Variants in CACNA1C observed in about 807,000 individuals in gnomAD.
CACNA1C encodes voltage-dependent L-type calcium channel subunit alpha-1C.
A neutral mutation model predicts 229.0 loss-of-function variants in CACNA1C; 30 were observed. The observed-to-expected ratio is 0.13, with a 90% CI of 0.10 to 0.18. The LOEUF is 0.18. Among genes scored for constraint, CACNA1C ranks in the 10% least tolerant of loss-of-function variants. The probability of loss-of-function intolerance (pLI) is 1.00; values close to 1 mark genes in which losing one functional copy is unlikely to be tolerated. For synonymous variants in CACNA1C, 1,114 were observed against 1,132.5 expected (o/e 0.98, Z 0.33); for missense variants, 1,658 against 2,845.0 (o/e 0.58, Z 9.49).
chr12:2,088,908 C>G (rs527242039), intron 1 of CACNA1C, among the ~76,000 whole-genome samples: 46 of 152,244 alleles, frequency 3.0e-4, no homozygotes, highest in African/African-American at 1.1e-3. Flanking sequence ...ATTAGGCGGG[C>G]TGGGCACTTG....
At chr12:1,996,928 C>T (rs1307427425) in intron 1 of CACNA1C, among the ~76,000 whole-genome samples, 1 of 152,028 alleles carries the variant, frequency 6.6e-6, no homozygotes, top group Non-Finnish European at 1.5e-5. Flanking sequence ...AAACAGATAC[C>T]CCTAGAAAGG....
intron 3 of CACNA1C, among the ~76,000 whole-genome samples, chr12:2,147,797 A>C (rs892567265): frequency 2.7e-5 from 4 of 150,630 alleles, no homozygotes; most frequent in African/African-American, 9.7e-5. Context: ...TGGGGGGGCA[A>C]ATAGGCAGTA....
intron 1 of CACNA1C, among the ~76,000 whole-genome samples, chr12:2,056,781 A>G (rs1370899966): frequency 2.0e-5 from 3 of 152,166 alleles, no homozygotes; most frequent in Non-Finnish European, 4.4e-5. Flanking sequence ...TATTCCTACT[A>G]TTGGTCAGGC....
chr12:2,324,086 C>A (rs1345967377), intron 3 of CACNA1C, among the ~76,000 whole-genome samples: 1 of 152,134 alleles, frequency 6.6e-6, no homozygotes, highest in Non-Finnish European at 1.5e-5. Flanking sequence ...TATATATAAC[C>A]CAAATGTCCA....
At chr12:2,618,984 C>T (rs2082029845) in intron 29 of CACNA1C, among the ~76,000 whole-genome samples, 1 of 152,240 alleles carries the variant, frequency 6.6e-6, no homozygotes, top group Non-Finnish European at 1.5e-5. Context: ...TAGCCATGCA[C>T]TTCTGTATGA....
At chr12:2,400,709 G>A (rs1372636741) in intron 3 of CACNA1C, among the ~76,000 whole-genome samples, 4 of 152,094 alleles carry the variant, frequency 2.6e-5, no homozygotes, top group Non-Finnish European at 5.9e-5. Flanking sequence ...TTATCCATCT[G>A]CTTCCAAGCT....
chr12:2,177,587 C>CCCTCCCTCCTTCCTTCCTTCCTT (rs750852324), intron 3 of CACNA1C, among the ~76,000 whole-genome samples: 3 of 78,462 alleles, frequency 3.8e-5, no homozygotes, highest in African/African-American at 1.8e-4. Flanking sequence ...CTCCCTCCCT[C>CCCTCCCTCCTTCCTTCCTTCCTT]CCTTCCTTCC....
chr12:2,122,224 A>G (rs530095941), intron 3 of CACNA1C, among the ~76,000 whole-genome samples: 1 of 152,274 alleles, frequency 6.6e-6, no homozygotes, highest in African/African-American at 2.4e-5. Flanking sequence ...TGATGGAAGA[A>G]TTCTAAAGGA....
intron 1 of CACNA1C, among the ~76,000 whole-genome samples, chr12:2,032,129 C>CA (rs2048342218): frequency 1.3e-5 from 2 of 152,138 alleles, no homozygotes; most frequent in South Asian, 4.2e-4. Flanking sequence ...CGGCTTGCGG[C>CA]AGTCTCGGTA....
At chr12:2,558,890 G>A (rs950134039) in intron 11 of CACNA1C, among the ~76,000 whole-genome samples, 1 of 151,930 alleles carries the variant, frequency 6.6e-6, no homozygotes, top group African/African-American at 2.4e-5. Flanking sequence ...AACATCTAGG[G>A]TCAGGCCCAT....
rs759810031 is a variant in CACNA1C, at chr12:2,602,629, CTTGTGTGTGT to C, written c.2960+670_2960+679del. ...TGTGTGTGACTGTGTATATTTGTGT[CTTGTGTGTGT>C]GTGTGTGTGTGTGTGTGTGTGTGTG... On this transcript the variant is annotated intron_variant, in intron 22 of 46. Transcript: ENST00000399655. This position sits in a 1 kb window ranked among gnomAD's most constrained non-coding sequence, Gnocchi z 4.4. 0.022 allele frequency among the ~76,000 whole-genome samples: 1,902 copies of C among 87,824 alleles called. 49 individuals are homozygous for C. The highest frequency in any genetic ancestry group is 0.074 in the African/African-American group (1,811 of 24,424). 57.6% of individuals were successfully genotyped at this position (87,824 alleles called of 152,430 possible). A position where few individuals can be genotyped will look rare whatever the true frequency, so the allele number is the denominator to read the frequency against.
intron 3 of CACNA1C, among the ~76,000 whole-genome samples, chr12:2,143,621 A>T (rs2094464596): frequency 6.6e-6 from 1 of 151,282 alleles, no homozygotes; most frequent in African/African-American, 2.4e-5. Context: ...CGTGTGTCGT[A>T]GGCTGTGCCA....
chr12:2,178,456 T>C (rs889868756), intron 3 of CACNA1C, among the ~76,000 whole-genome samples: 2 of 152,240 alleles, frequency 1.3e-5, no homozygotes, highest in African/African-American at 4.8e-5. Flanking sequence ...TCCAGGGATC[T>C]GCAGAAGGCT....
chr12:2,145,578 T>C lies in CACNA1C; in HGVS notation c.477+25148T>C, dbSNP rs145474392. Reference sequence around the variant, plus strand: ...ATTTATTTTGTCATCATTTGCTCATTTTATTACCAGTTATTGAGTGCCTAC... The same window carrying C: ...ATTTATTTTGTCATCATTTGCTCATCTTATTACCAGTTATTGAGTGCCTAC... On this transcript the variant is annotated intron_variant, in intron 3 of 46. Coordinates refer to ENST00000399655, the MANE Select transcript of CACNA1C (RefSeq NM_000719.7). Among the ~76,000 whole-genome samples the C allele has an allele frequency of 8.8e-3, 1,326 of 151,404 alleles. 37 individuals carry two copies. Among genetic ancestry groups the C allele is most frequent in the African/African-American group, 0.03 (1,253 of 41,470 alleles).
intron 3 of CACNA1C, among the ~76,000 whole-genome samples, chr12:2,307,830 C>A (rs1019130338): frequency 6.6e-6 from 1 of 152,174 alleles, no homozygotes; most frequent in East Asian, 1.9e-4. Context: ...AAAGGCAATG[C>A]GGCTGCCCAC....
At chr12:2,484,978 AATCACATC>A (rs1473044408) in intron 5 of CACNA1C, among the ~76,000 whole-genome samples, 1 of 151,116 alleles carries the variant, frequency 6.6e-6, no homozygotes, top group Non-Finnish European at 1.5e-5. Flanking sequence ...GCCTTGCGAG[AATCACATC>A]ACCAGAATGA....
chr12:2,335,626 G>C (rs186315695), intron 3 of CACNA1C, among the ~76,000 whole-genome samples: 2 of 152,074 alleles, frequency 1.3e-5, no homozygotes, highest in Non-Finnish European at 2.9e-5. Context: ...GCCTTTCCAG[G>C]TGCAGGACAG....
At chr12:2,619,465 A>G (rs2082230126) in intron 29 of CACNA1C, among the ~76,000 whole-genome samples, 1 of 152,194 alleles carries the variant, frequency 6.6e-6, no homozygotes, top group African/African-American at 2.4e-5. Flanking sequence ...GTCGTCTTTC[A>G]TCCTGAGCCC....
intron 34 of CACNA1C, chr12:2,660,470 C>T (rs1280375010): frequency 6.5e-6 from 1 of 153,748 alleles, no homozygotes; most frequent in Non-Finnish European, 1.5e-5. Context: ...CATCTTCTTA[C>T]TCCACATGTC....
Sources: allele counts gnomAD v4.1 joint callset (sites outside exome capture counted in the v4.1 genomes callset), GRCh38; gene constraint gnomAD v4.1.1; non-coding constraint Gnocchi (gnomAD v3.1); transcripts MANE v1.5; gene names NCBI Gene and HGNC (gene_info 2026-07-23, HGNC 2026-07-21).